The following IQCH variants were observed in gnomAD, a reference collection of about 807,000 sequenced individuals.
The protein encoded by IQCH is IQ domain-containing protein H.
IQCH carries 98 observed loss-of-function variants against 117.0 expected under a neutral mutation model. That is an observed-to-expected ratio of 0.84 (90% CI 0.71 to 0.99). The LOEUF (loss-of-function observed/expected upper bound fraction) is 0.99. Ranked by LOEUF, IQCH falls within the 50% of genes least tolerant of loss-of-function variation. The pLI is 0.00. For synonymous variants in IQCH, 412 were observed against 448.2 expected, an observed-to-expected ratio of 0.92 and a Z score of 1.02; for missense variants, 1,102 against 1,243.8, an observed-to-expected ratio of 0.89 and a Z score of 1.72.
In IQCH at chr15:67,346,591, A is replaced by G. The variant is rs921313312; in HGVS notation, c.637+2400A>G. Among the ~76,000 whole-genome samples, 17 of 152,248 alleles carry G rather than the reference A, an allele frequency of 1.1e-4. 1 individual carries two copies. The highest frequency in any genetic ancestry group is 9.2e-4 in the Admixed American group (14 of 15,286). ...TGAACTCAGATGGTAATGCTTGCTC[A>G]CCTGCCACTTGCCTCCTGTTGTGTA... On this transcript the variant is annotated intron_variant, in intron 6 of 20. Coordinates refer to ENST00000335894, the MANE Select transcript of IQCH (RefSeq NM_001031715.3).
rs1200993929 is a variant in IQCH, at chr15:67,490,531, G to A, written c.2861+467G>A. On this transcript the variant is annotated intron_variant, in intron 19 of 20. Transcript: ENST00000335894. The surrounding 1 kb of genome is among the most constrained non-coding windows in gnomAD (Gnocchi z 4.9). ...GGTATTTTATAAAATGACTTTAGAT[G>A]TGTCAATGGGGGTTTATAAATATAA... 6.6e-6 allele frequency among the ~76,000 whole-genome samples: 1 copy of A among 152,108 alleles called. No individual in the cohort carries two copies. The highest frequency in any genetic ancestry group is 1.9e-4 in the East Asian group (1 of 5,188).
At chr15:67,497,998 G>A (rs2083870480) in intron 20 of IQCH, among the ~76,000 whole-genome samples, 1 of 152,104 alleles carries the variant, frequency 6.6e-6, no homozygotes, top group Non-Finnish European at 1.5e-5. Flanking sequence ...TGCAGAAATT[G>A]ACAAGATGAT....
At chr15:67,271,393 C>T (rs1470440900) in intron 3 of IQCH, among the ~76,000 whole-genome samples, 1 of 152,142 alleles carries the variant, frequency 6.6e-6, no homozygotes, top group Non-Finnish European at 1.5e-5. Flanking sequence ...GTTGTATCCT[C>T]ATCTGGTTTT....
intron 14 of IQCH, among the ~76,000 whole-genome samples, chr15:67,410,089 TGA>T (rs2081409242): frequency 1.3e-5 from 2 of 152,216 alleles, no homozygotes; most frequent in African/African-American, 4.8e-5. Context: ...GATTGCAGAA[TGA>T]GAGTTACCAG....
chr15:67,373,248 TAAATC>T, intron 9 of IQCH, 114 bp from the exon 10 acceptor site: 1 of 616,350 alleles, frequency 1.6e-6, no homozygotes, highest in Non-Finnish European at 2.8e-6. Context: ...AGTATGTAAT[TAAATC>T]AATTAATATA....
chr15:67,377,543 G>A (rs1187996459), intron 10 of IQCH, among the ~76,000 whole-genome samples: 1 of 152,106 alleles, frequency 6.6e-6, no homozygotes, highest in East Asian at 1.9e-4. Flanking sequence ...AGTTTCTTTG[G>A]CCAAGTATTT....
intron 6 of IQCH, among the ~76,000 whole-genome samples, chr15:67,350,454 T>A (rs1217136575): frequency 1.3e-5 from 2 of 152,100 alleles, no homozygotes; most frequent in Non-Finnish European, 1.5e-5. Context: ...GAGAATGGAG[T>A]CTCGCTCTGT....
intron 10 of IQCH, among the ~76,000 whole-genome samples, chr15:67,378,101 C>A (rs1365169167): frequency 6.6e-6 from 1 of 152,148 alleles, no homozygotes; most frequent in African/African-American, 2.4e-5. Context: ...GCTTATGAGA[C>A]TCTTGCTTCC....
chr15:67,265,685 G>A (rs546502325), intron 3 of IQCH, among the ~76,000 whole-genome samples: 1 of 152,314 alleles, frequency 6.6e-6, no homozygotes, highest in East Asian at 1.9e-4. Context: ...GAGAATCCCA[G>A]AGATGGGAGA....
At chr15:67,377,369 A>G (rs545661626) in intron 10 of IQCH, among the ~76,000 whole-genome samples, 37 of 152,178 alleles carry the variant, frequency 2.4e-4, no homozygotes, top group South Asian at 6.2e-4. Context: ...ATTTTTATTA[A>G]TATAATTATA....
At position 67,450,552 on chromosome 15, in the gene IQCH, C is replaced by G. The variant is rs922484512; in HGVS notation, c.2506-14575C>G. ...ATTGATTTGCGTATGTTGAACCAGC[C>G]TTGCATCCCAGGGATGAAGCCCACT... On this transcript the variant is annotated intron_variant, in intron 16 of 20. Transcript: ENST00000335894. 3.5e-3 allele frequency among the ~76,000 whole-genome samples: 539 copies of G among 152,258 alleles called. 9 individuals are homozygous for G. The highest frequency in any genetic ancestry group is 0.012 in the African/African-American group (512 of 41,546).
chr15:67,400,509 G>C (rs983309393), intron 14 of IQCH, among the ~76,000 whole-genome samples: 6 of 486 alleles, frequency 0.012, no homozygotes, highest in African/African-American at 0.026. Context: ...TTTTGAGATG[G>C]GGCCTCACTC....
intron 4 of IQCH, chr15:67,306,885 A>T (rs1967325988): frequency 2.0e-6 from 3 of 1,521,398 alleles, no homozygotes; most frequent in Non-Finnish European, 2.6e-6. Flanking sequence ...ATGTTCCCTC[A>T]CTGACATCCA....
chr15:67,495,166 T>C (rs1320275021), intron 20 of IQCH, among the ~76,000 whole-genome samples: 3 of 152,212 alleles, frequency 2.0e-5, no homozygotes, highest in Non-Finnish European at 4.4e-5. Flanking sequence ...AATAGAAATG[T>C]AATTTTAATT....
rs2081912986 is a variant in IQCH, at chr15:67,427,218, C to G, written c.2505+5641C>G. 6.6e-6 allele frequency among the ~76,000 whole-genome samples: 1 copy of G among 152,134 alleles called. No individual in the cohort carries two copies. The highest frequency in any genetic ancestry group is 6.5e-5 in the Admixed American group (1 of 15,274). On this transcript the variant is annotated intron_variant, in intron 16 of 20. Coordinates refer to ENST00000335894, the MANE Select transcript of IQCH (RefSeq NM_001031715.3). The surrounding 1 kb of genome is among the most constrained non-coding windows in gnomAD (Gnocchi z 4.7). ...CAGTTTACTTATTTGTTTAATGTAA[C>G]TAATCTCCCAACCACTCCTGCCATC... is the stretch of plus-strand genomic sequence containing the variant.
At chr15:67,484,772 C>A (rs1010122963) in intron 18 of IQCH, among the ~76,000 whole-genome samples, 9 of 151,590 alleles carry the variant, frequency 5.9e-5, no homozygotes, top group African/African-American at 1.7e-4. Context: ...AAAATAAAAT[C>A]AACCCTTGAT....
intron 8 of IQCH, among the ~76,000 whole-genome samples, chr15:67,362,470 G>A (rs1051727901): frequency 1.3e-5 from 2 of 152,016 alleles, no homozygotes; most frequent in Non-Finnish European, 2.9e-5. Context: ...ACTTTCTTTA[G>A]TATTTTCCCA....
rs988334266 is a variant in IQCH at position 67,390,760 on chromosome 15, G to A, written c.1632+1754G>A. The stretch of plus-strand genomic sequence containing the variant: ...TGCCTTGGCCTCCCAAAGTGCTGGG[G>A]TTACAGGTGTGAGCCACCGCGCCCA... On this transcript the variant is annotated intron_variant, in intron 12 of 20. Transcript: ENST00000335894. The surrounding 1 kb of genome is among the most constrained non-coding windows in gnomAD (Gnocchi z 5.0). Among the ~76,000 whole-genome samples, 29 of 152,192 alleles carry A rather than the reference G, an allele frequency of 1.9e-4. No individual in the cohort carries two copies. The highest frequency in any genetic ancestry group is 6.8e-3 in the Middle Eastern group (2 of 294).
intron 17 of IQCH, among the ~76,000 whole-genome samples, chr15:67,471,497 A>T (rs927854700): frequency 2.7e-5 from 4 of 150,880 alleles, no homozygotes; most frequent in African/African-American, 9.6e-5. Context: ...ATTTTACAGA[A>T]TAGGAAACTG....
Sources: allele counts gnomAD v4.1 joint callset (sites outside exome capture counted in the v4.1 genomes callset), GRCh38; gene constraint gnomAD v4.1.1; non-coding constraint Gnocchi (gnomAD v3.1); transcripts MANE v1.5; gene names NCBI Gene and HGNC (gene_info 2026-07-23, HGNC 2026-07-21).